MYOCD: variants seen among roughly 807,000 people sequenced by gnomAD.
MYOCD encodes myocardin.
MYOCD carries 32 observed loss-of-function variants against 96.1 expected under a neutral mutation model. The ratio of observed to expected loss-of-function variants is 0.33; its 90% CI spans 0.25 to 0.45. The LOEUF (loss-of-function observed/expected upper bound fraction) is 0.45, where lower values mean the gene tolerates loss of function less well. MYOCD is among the 20% of genes least tolerant of loss of function. The pLI is 1.00. For missense variants in MYOCD, 1,133 were observed against 1,200.6 expected, an observed-to-expected ratio of 0.94 and a Z score of 0.83; for synonymous variants, 469 against 469.0, an observed-to-expected ratio of 1.00 and a Z score of 0.00.
At chr17:12,685,502 A>G (rs1219476763) in intron 1 of MYOCD, among the ~76,000 whole-genome samples, 1 of 151,730 alleles carries the variant, frequency 6.6e-6, no homozygotes, top group African/African-American at 2.4e-5. Context: ...GCTACTCGGG[A>G]GGCTGCGGCA....
At chr17:12,695,738 A>G (rs1039823791) in intron 1 of MYOCD, among the ~76,000 whole-genome samples, 5 of 152,196 alleles carry the variant, frequency 3.3e-5, no homozygotes, top group Non-Finnish European at 7.3e-5. Flanking sequence ...CCTATTAACC[A>G]TTTTAACTGT....
chr17:12,707,819 A>G (rs2031348242), intron 2 of MYOCD, among the ~76,000 whole-genome samples: 1 of 152,162 alleles, frequency 6.6e-6, no homozygotes, highest in Non-Finnish European at 1.5e-5. Flanking sequence ...TTTTCATTCT[A>G]TTATTTAAAT....
At chr17:12,732,422 C>A (rs147920524) in intron 5 of MYOCD, among the ~76,000 whole-genome samples, 18 of 152,274 alleles carry the variant, frequency 1.2e-4, no homozygotes, top group Non-Finnish European at 2.4e-4. Context: ...AGGCTCCATT[C>A]AATCCCACCT....
At chr17:12,749,515 C>A (rs1045690205) in intron 9 of MYOCD, among the ~76,000 whole-genome samples, 2 of 145,278 alleles carry the variant, frequency 1.4e-5, no homozygotes, top group African/African-American at 5.1e-5. Flanking sequence ...GGTGACAGAG[C>A]GAGACTCTGT....
At chr17:12,715,306 T>TCC (rs201890740) in intron 2 of MYOCD, among the ~76,000 whole-genome samples, 2 of 71,896 alleles carry the variant, frequency 2.8e-5, no homozygotes, top group African/African-American at 4.2e-5. Context: ...CCTCTGCTAC[T>TCC]CCCCGTTTGA....
chr17:12,693,310 C>CA (rs1221921148), intron 1 of MYOCD, among the ~76,000 whole-genome samples: 8 of 151,402 alleles, frequency 5.3e-5, no homozygotes, highest in Admixed American at 3.3e-4. Flanking sequence ...AACAAACAAA[C>CA]AAACAAAAAA....
chr17:12,683,605 T>C lies in MYOCD; in HGVS notation c.55+17362T>C, dbSNP rs115159189. On this transcript the variant is annotated intron_variant, in intron 1 of 13. Coordinates refer to ENST00000425538, the MANE Select transcript of MYOCD (RefSeq NM_001146312.3). ...CATACACATACAAGCTGTTGTTAAGTAGAACTGGAAGGAGGCAAATTAAAT... is the reference window on the plus strand; with the variant it reads ...CATACACATACAAGCTGTTGTTAAGCAGAACTGGAAGGAGGCAAATTAAAT... 9.1e-3 allele frequency among the ~76,000 whole-genome samples: 1,383 copies of C among 152,180 alleles called. 18 individuals carry two copies. Among genetic ancestry groups the C allele is most frequent in the African/African-American group, 0.031 (1,302 of 41,494 alleles).
chr17:12,754,371 G>A (rs1018899880), intron 10 of MYOCD, among the ~76,000 whole-genome samples: 3 of 152,196 alleles, frequency 2.0e-5, no homozygotes, highest in Admixed American at 2.0e-4. Flanking sequence ...CAAAGTGCTG[G>A]GATTACAGGC....
At chr17:12,720,043 G>T (rs779217744) in intron 4 of MYOCD, among the ~76,000 whole-genome samples, 8 of 152,058 alleles carry the variant, frequency 5.3e-5, no homozygotes, top group Non-Finnish European at 1.0e-4. Flanking sequence ...GTACCTGGAA[G>T]CCAGGAATAT....
chr17:12,713,820 TGC>T (rs1162838966), intron 2 of MYOCD, among the ~76,000 whole-genome samples: 1 of 152,146 alleles, frequency 6.6e-6, no homozygotes, highest in African/African-American at 2.4e-5. Context: ...AGAAAATGCA[TGC>T]GCAACACAGG....
chr17:12,687,582 T>C (rs1043397228), intron 1 of MYOCD, among the ~76,000 whole-genome samples: 1 of 152,232 alleles, frequency 6.6e-6, no homozygotes, highest in African/African-American at 2.4e-5. Context: ...TGATAACTTA[T>C]TAAGTATATA....
intron 5 of MYOCD, among the ~76,000 whole-genome samples, chr17:12,735,432 A>G (rs7216001): frequency 0.55 from 83,225 of 151,668 alleles, 22,884 homozygotes; most frequent in East Asian, 0.69. Context: ...TGCAGGCGGC[A>G]GAGGAAGAGT....
intron 1 of MYOCD, among the ~76,000 whole-genome samples, chr17:12,688,583 T>C (rs2030267771): frequency 6.8e-6 from 1 of 147,624 alleles, no homozygotes; most frequent in Non-Finnish European, 1.5e-5. Context: ...TCTCCGTCCC[T>C]CCTTCCTTCC....
At chr17:12,744,117 T>C in intron 7 of MYOCD, 66 bp from the exon 8 acceptor site, 10 of 1,564,796 alleles carry the variant, frequency 6.4e-6, no homozygotes, top group Non-Finnish European at 8.7e-6. Context: ...TCACAACGTG[T>C]CCATGATGCA....
In MYOCD at chr17:12,742,739, T is replaced by G. The variant is rs1481852943; in HGVS notation, c.718-1444T>G. Among the ~76,000 whole-genome samples the G allele has an allele frequency of 4.6e-5, 7 of 151,864 alleles. No individual in the cohort carries two copies. The South Asian group carries it at 1.3e-3, about 27-fold the overall frequency. On this transcript the variant is annotated intron_variant, in intron 7 of 13. Coordinates refer to ENST00000425538, the MANE Select transcript of MYOCD (RefSeq NM_001146312.3). ...GCATCTACCACCAAGCCCAGCTAAT[T>G]TTTTGTATTTTTACCAGAGACAGGG...
rs1194833211 is a variant in MYOCD at position 12,763,874 on chromosome 17, G to A, written c.*230G>A. 17 of 415,758 alleles carry A rather than the reference G, an allele frequency of 4.1e-5. No individual in the cohort carries two copies. The highest frequency in any genetic ancestry group is 2.9e-4 in the Admixed American group (7 of 24,248). The allele number at this position is 415,758 out of a possible 1,614,324, so 25.8% of individuals were successfully genotyped here. On this transcript the variant is annotated 3_prime_UTR_variant, in exon 14 of 14. Transcript: ENST00000425538. ...GATTTCAACAATGCATTAAAAGAATGTGCTTTCTCAGATTAAGGATGCCAA... is the reference window on the plus strand; with the variant it reads ...GATTTCAACAATGCATTAAAAGAATATGCTTTCTCAGATTAAGGATGCCAA...
chr17:12,760,558 A>T, intron 12 of MYOCD, 92 bp from the exon 13 acceptor site: 1 of 1,025,442 alleles, frequency 9.8e-7, no homozygotes, highest in Non-Finnish European at 1.5e-6. Context: ...GACCAAACCT[A>T]GTTCAAAATC....
intron 1 of MYOCD, among the ~76,000 whole-genome samples, chr17:12,689,010 C>T (rs1294863512): frequency 2.6e-5 from 4 of 152,196 alleles, no homozygotes; most frequent in African/African-American, 7.2e-5. Context: ...CACACAAACA[C>T]GTTGTTCTTA....
At chr17:12,732,275 G>A (rs2032197127) in intron 5 of MYOCD, among the ~76,000 whole-genome samples, 1 of 152,104 alleles carries the variant, frequency 6.6e-6, no homozygotes, top group Non-Finnish European at 1.5e-5. Context: ...CTGGCTGAAA[G>A]CACTTCTTTG....
Sources: allele counts gnomAD v4.1 joint callset (sites outside exome capture counted in the v4.1 genomes callset), GRCh38; gene constraint gnomAD v4.1.1; transcripts MANE v1.5; gene names NCBI Gene and HGNC (gene_info 2026-07-23, HGNC 2026-07-21).